HDAC4: variants seen among roughly 807,000 people sequenced by gnomAD.
HDAC4 encodes the protein histone deacetylase 4, also known as histone deacetylase A.
A neutral mutation model predicts 135.1 loss-of-function variants in HDAC4; 16 were observed. The ratio of observed to expected loss-of-function variants is 0.12; its 90% CI spans 0.08 to 0.18. The LOEUF is 0.18. Ranked by LOEUF, HDAC4 falls within the 10% of genes least tolerant of loss-of-function variation. HDAC4 has a pLI of 1.00. For missense variants in HDAC4, 1,143 were observed against 1,511.8 expected (o/e 0.76, Z 4.05); for synonymous variants, 685 against 653.4 (o/e 1.05, Z -0.74).
intron 24 of HDAC4, among the ~76,000 whole-genome samples, chr2:239,061,631 AGAGG>A (rs1351964671): frequency 7.2e-5 from 11 of 152,132 alleles, no homozygotes; most frequent in African/African-American, 2.7e-4. Flanking sequence ...TGTCAGTGTG[AGAGG>A]AAGAGTGACT....
At chr2:239,160,084 C>T (rs1305736709) in intron 6 of HDAC4, among the ~76,000 whole-genome samples, 2 of 152,224 alleles carry the variant, frequency 1.3e-5, no homozygotes, top group Non-Finnish European at 2.9e-5. Context: ...CGAGGAACCA[C>T]ATACGCCAGG....
At chr2:239,153,289 G>A (rs887866551) in intron 7 of HDAC4, among the ~76,000 whole-genome samples, 2 of 152,250 alleles carry the variant, frequency 1.3e-5, no homozygotes, top group East Asian at 1.9e-4. Context: ...GCCCTTTAGA[G>A]ATGCAGAAAT....
chr2:239,387,056 G>A (rs889904447), intron 1 of HDAC4, among the ~76,000 whole-genome samples: 1 of 152,134 alleles, frequency 6.6e-6, no homozygotes, highest in African/African-American at 2.4e-5. Context: ...TCTGTATGAG[G>A]GTGTGTGCGT....
At chr2:239,142,615 C>G (rs1034504793) in intron 8 of HDAC4, among the ~76,000 whole-genome samples, 6 of 145,930 alleles carry the variant, frequency 4.1e-5, no homozygotes, top group African/African-American at 1.6e-4. Flanking sequence ...TCACGCCCTG[C>G]CACGCATGGC....
intron 2 of HDAC4, among the ~76,000 whole-genome samples, chr2:239,275,096 G>A (rs922590176): frequency 6.6e-6 from 1 of 152,216 alleles, no homozygotes; most frequent in Non-Finnish European, 1.5e-5. Flanking sequence ...CACACGCTAC[G>A]CTATCATTAC....
chr2:239,283,450 T>C (rs1485982001), intron 2 of HDAC4, among the ~76,000 whole-genome samples: 1 of 152,158 alleles, frequency 6.6e-6, no homozygotes, highest in African/African-American at 2.4e-5. Flanking sequence ...CCGACGAGGC[T>C]GCAGCGAGTG....
chr2:239,207,764 C>G (rs1170923731), intron 3 of HDAC4, among the ~76,000 whole-genome samples: 1 of 152,190 alleles, frequency 6.6e-6, no homozygotes, highest in Non-Finnish European at 1.5e-5. Context: ...AAGGCAGCGA[C>G]AGCCACGTTT....
intron 25 of HDAC4, 112 bp from the exon 26 acceptor site, chr2:239,053,713 G>A: frequency 2.3e-6 from 2 of 858,242 alleles, no homozygotes; most frequent in South Asian, 1.6e-5. Flanking sequence ...GATCCCTTAT[G>A]ATTTTAAAAG....
At chr2:239,199,336 A>G (rs2045608459) in intron 3 of HDAC4, among the ~76,000 whole-genome samples, 1 of 152,048 alleles carries the variant, frequency 6.6e-6, no homozygotes, top group African/African-American at 2.4e-5. Flanking sequence ...CAAAATGATC[A>G]CTGACTAGAT....
intron 2 of HDAC4, among the ~76,000 whole-genome samples, chr2:239,277,977 G>GCCAGCCACACGCC: frequency 1.7e-5 from 1 of 59,212 alleles, no homozygotes; most frequent in Non-Finnish European, 3.2e-5. Flanking sequence ...TCCTGAGCAG[G>GCCAGCCACACGCC]CCAGCCACAC....
intron 22 of HDAC4, among the ~76,000 whole-genome samples, chr2:239,075,379 G>A (rs1043323254): frequency 3.3e-5 from 5 of 152,108 alleles, no homozygotes; most frequent in African/African-American, 1.2e-4. Context: ...GGAGAGAGGG[G>A]TGGGCTCGCA....
At chr2:239,223,307 G>A (rs1483615353) in intron 3 of HDAC4, among the ~76,000 whole-genome samples, 1 of 152,192 alleles carries the variant, frequency 6.6e-6, no homozygotes, top group African/African-American at 2.4e-5. Context: ...CCTGAAGGAG[G>A]TAGCCCCTCT....
chr2:239,366,282 CAG>C (rs1489393294), intron 1 of HDAC4, among the ~76,000 whole-genome samples: 1 of 152,222 alleles, frequency 6.6e-6, no homozygotes, highest in East Asian at 1.9e-4. Context: ...GCAGGGTCGT[CAG>C]GGTCACGCGT....
chr2:239,368,958 G>A (rs753419924), intron 1 of HDAC4, among the ~76,000 whole-genome samples: 7 of 152,154 alleles, frequency 4.6e-5, no homozygotes, highest in Non-Finnish European at 1.0e-4. Context: ...ATTCACAGCC[G>A]TCAGAGAGCC....
At chr2:239,104,163 A>T (rs10173871) in intron 15 of HDAC4, among the ~76,000 whole-genome samples, 1,802 of 152,316 alleles carry the variant, frequency 0.012, 31 homozygotes, top group African/African-American at 0.041. Flanking sequence ...GGCAGGAGGG[A>T]CGTACTCTCT....
rs1381520497 is a variant in HDAC4 at position 239,111,578 on chromosome 2, G to A, written c.1926C>T (p.Ala642=). 6.2e-7 allele frequency: 1 copy of A among 1,612,216 alleles called. No individual in the cohort carries two copies. The change falls in exon 14 of 27, where the codon GCC becomes GCT. Residue 642 remains alanine (A), a synonymous_variant. Transcript: ENST00000543185. ...GCTCCTGCACAGACACGGGGAAGGT[G>A]GCAGACGCGGGTGAGGACTGCGCCC... ...LSRAQSSPAS[A]TFPVSVQEPP...
chr2:239,083,693 T>G (rs747843738), intron 20 of HDAC4, among the ~76,000 whole-genome samples: 2 of 152,192 alleles, frequency 1.3e-5, no homozygotes, highest in Admixed American at 6.5e-5. Context: ...ATGACTCTTT[T>G]GGGGGCAGTG....
chr2:239,317,414 C>A (rs1369763805), intron 2 of HDAC4, among the ~76,000 whole-genome samples: 2 of 151,914 alleles, frequency 1.3e-5, no homozygotes, highest in Admixed American at 1.3e-4. Flanking sequence ...AGGAACCAGG[C>A]CGCCTTGAGA....
chr2:239,248,857 A>G (rs1327929762), intron 2 of HDAC4, among the ~76,000 whole-genome samples: 1 of 152,210 alleles, frequency 6.6e-6, no homozygotes, highest in African/African-American at 2.4e-5. Flanking sequence ...TCAAGCCTCA[A>G]GGTCAACATC....
Sources: gnomAD v4.1 joint callset for allele counts (sites outside exome capture counted in the v4.1 genomes callset) on GRCh38, gnomAD v4.1.1 for gene constraint, MANE v1.5 for transcripts, NCBI Gene and HGNC (gene_info 2026-07-23, HGNC 2026-07-21) for gene names.